The following JMY variants were observed in gnomAD, a reference collection of about 807,000 sequenced individuals.
The protein encoded by JMY is junction mediating and regulatory protein, p53 cofactor.
In JMY, 46 loss-of-function variants were observed where a neutral mutation model predicts 103.3. The observed-to-expected ratio is 0.45, with a 90% confidence interval of 0.35 to 0.57. The LOEUF (loss-of-function observed/expected upper bound fraction) is 0.57. Among genes scored for constraint, JMY ranks in the 20% least tolerant of loss-of-function variants. The probability of loss-of-function intolerance (pLI) is 0.00; values close to 1 mark genes in which losing one functional copy is unlikely to be tolerated. For missense variants in JMY, 1,238 were observed against 1,255.2 expected (o/e 0.99, Z 0.21); for synonymous variants, 526 against 489.3 (o/e 1.07, Z -0.99).
intron 2 of JMY, among the ~76,000 whole-genome samples, chr5:79,281,047 A>T (rs1746091549): frequency 6.7e-6 from 1 of 150,328 alleles, no homozygotes; most frequent in African/African-American, 2.4e-5. Context: ...TTTTATTTTT[A>T]TTTATTTATT....
At chr5:79,268,479 TTTTA>T (rs1554049513) in intron 1 of JMY, among the ~76,000 whole-genome samples, 1 of 149,748 alleles carries the variant, frequency 6.7e-6, no homozygotes, top group Non-Finnish European at 1.5e-5. Context: ...TTTATTTATT[TTTTA>T]TTTATTTATT....
At chr5:79,289,148 T>A (rs978735165) in intron 2 of JMY, among the ~76,000 whole-genome samples, 1 of 148,410 alleles carries the variant, frequency 6.7e-6, no homozygotes, top group East Asian at 2.0e-4. Context: ...GGCAGGAGAA[T>A]CACTTGAACC....
intron 2 of JMY, 126 bp from the exon 3 acceptor site, chr5:79,289,995 A>G (rs1408241609): frequency 1.5e-6 from 1 of 656,862 alleles, no homozygotes; most frequent in Non-Finnish European, 2.4e-6. Context: ...TTGTTTTGTA[A>G]ACTAATAGCT....
chr5:79,248,509 A>G (rs532367634), intron 1 of JMY, among the ~76,000 whole-genome samples: 27 of 151,772 alleles, frequency 1.8e-4, no homozygotes, highest in South Asian at 1.5e-3. Context: ...GGGTTTCACC[A>G]TGTTGGCCAG....
chr5:79,250,650 CTTTTTTTTTTTTT>C (rs200738584), intron 1 of JMY, among the ~76,000 whole-genome samples: 1 of 122,738 alleles, frequency 8.1e-6, no homozygotes, highest in East Asian at 2.4e-4. Context: ...AATTATTTTT[CTTTTTTTTTTTTT>C]TTTTTGGCAT....
rs1747468315 is a variant in JMY at position 79,322,004 on chromosome 5, A to G, written c.*402A>G. The G allele has an allele frequency of 6.6e-6, 1 of 152,208 alleles. No homozygotes were observed. The highest frequency in any genetic ancestry group is 1.5e-5 in the Non-Finnish European group (1 of 68,032). 9.4% of individuals were successfully genotyped at this position (152,208 alleles called of 1,614,324 possible). A position where few individuals can be genotyped will look rare whatever the true frequency, so the allele number is the denominator to read the frequency against. ...TGCTTTGAGAACCATCTTTCAATGC[A>G]CTGAAAAGTCATCTGAAAAAATAGC... On this transcript the variant is annotated 3_prime_UTR_variant, in exon 11 of 11. Transcript: ENST00000396137.
rs1183442372 is a variant in JMY at position 79,300,147 on chromosome 5, A to G, written c.1528-6A>G. The G allele has an allele frequency of 1.9e-6, 3 of 1,611,854 alleles. No homozygotes were observed. Among genetic ancestry groups the G allele is most frequent in the African/African-American group, 1.3e-5 (1 of 74,790 alleles). ...AGAAATTTTTTAATTTGTATTTTCAATGCAGATGCAGAGTTTGCGGGGTGG... is the reference window on the plus strand; with the variant it reads ...AGAAATTTTTTAATTTGTATTTTCAGTGCAGATGCAGAGTTTGCGGGGTGG... On this transcript the variant is annotated splice_polypyrimidine_tract_variant and splice_region_variant and intron_variant, in intron 4 of 10. Coordinates refer to ENST00000396137, the MANE Select transcript of JMY (RefSeq NM_152405.5).
At chr5:79,264,313 C>T (rs1045544119) in intron 1 of JMY, among the ~76,000 whole-genome samples, 3 of 152,058 alleles carry the variant, frequency 2.0e-5, no homozygotes, top group African/African-American at 7.2e-5. Flanking sequence ...TTTCGAACTC[C>T]TGGGCTTAAG....
intron 1 of JMY, among the ~76,000 whole-genome samples, chr5:79,261,718 T>TCC (rs964040148): frequency 2.0e-5 from 3 of 152,180 alleles, no homozygotes; most frequent in Non-Finnish European, 4.4e-5. Flanking sequence ...TAGACCTGTC[T>TCC]CCCGGGCATA....
At chr5:79,304,704 T>C (rs184301429) in intron 6 of JMY, among the ~76,000 whole-genome samples, 3 of 152,318 alleles carry the variant, frequency 2.0e-5, no homozygotes, top group African/African-American at 7.2e-5. Context: ...ATTTAACTAT[T>C]ACTGCTTATT....
Position 79,264,491 on chromosome 5 carries a change from G to A in JMY, c.1033-13419G>A, listed in dbSNP as rs75027655. On this transcript the variant is annotated intron_variant, in intron 1 of 10. Transcript: ENST00000396137. ...TGATCCTCCTACCTCACTGTAGGAG[G>A]TAAAGCCTGCCAAAGTGCTGGAATT... Among the ~76,000 whole-genome samples, 1,394 of 151,724 alleles carry A rather than the reference G, an allele frequency of 9.2e-3. 21 individuals carry two copies. The highest frequency in any genetic ancestry group is 0.031 in the African/African-American group (1,293 of 41,360).
chr5:79,319,967 G>GGTC (rs1289404090), intron 10 of JMY, among the ~76,000 whole-genome samples: 2 of 152,158 alleles, frequency 1.3e-5, no homozygotes, highest in African/African-American at 4.8e-5. Context: ...AGGTAATGAA[G>GGTC]GTCCCTTGTT....
intron 2 of JMY, among the ~76,000 whole-genome samples, chr5:79,278,913 G>A (rs1280134364): frequency 2.6e-5 from 4 of 151,496 alleles, no homozygotes; most frequent in Non-Finnish European, 5.9e-5. Context: ...ACAGGTGTGT[G>A]AACCACCATG....
At chr5:79,256,905 C>T (rs911854479) in intron 1 of JMY, among the ~76,000 whole-genome samples, 2 of 151,956 alleles carry the variant, frequency 1.3e-5, no homozygotes, top group Non-Finnish European at 1.5e-5. Flanking sequence ...ATATTACAGG[C>T]ATGAGCCACC....
At chr5:79,312,277 CA>C (rs563411030) in intron 7 of JMY, 125 bp from the exon 8 acceptor site, 114 of 468,264 alleles carry the variant, frequency 2.4e-4, no homozygotes, top group East Asian at 6.1e-4. Flanking sequence ...GTTTCATGAA[CA>C]AAAAAAAATT....
Position 79,237,185 on chromosome 5 carries a change from T to C in JMY, c.535T>C (p.Ser179Pro). 6.5e-7 allele frequency: 1 copy of C among 1,550,282 alleles called. No individual in the cohort carries two copies. The highest frequency in any genetic ancestry group is 8.7e-7 in the Non-Finnish European group (1 of 1,146,858). The change falls in exon 1 of 11, where the codon TCT (serine) becomes CCT (proline). Residue 179 changes from serine (S) to proline (P), a missense_variant. Ser to Pro is a moderately conservative substitution (Grantham distance 74). Transcript: ENST00000396137. Reference protein sequence around the residue: ...RPAPREAQVSSVRIVSASGTV... With the variant: ...RPAPREAQVSPVRIVSASGTV... ...GGCGCCCAGAGAGGCCCAGGTGTCC[T>C]CTGTACGGATAGTGAGCGCCTCTGG... is the stretch of plus-strand genomic sequence containing the variant.
At position 79,259,601 on chromosome 5, in the gene JMY, C is replaced by G. The variant is rs918348948; in HGVS notation, c.1033-18309C>G. ...GCCAGCGCTGAGCTGCCCTCAGCACCCCCTTGGCCTCTCTTCTGTGCTCAT... is the reference window on the plus strand; with the variant it reads ...GCCAGCGCTGAGCTGCCCTCAGCACGCCCTTGGCCTCTCTTCTGTGCTCAT... On this transcript the variant is annotated intron_variant, in intron 1 of 10. Coordinates refer to ENST00000396137, the MANE Select transcript of JMY (RefSeq NM_152405.5). Among the ~76,000 whole-genome samples the G allele has an allele frequency of 2.6e-5, 4 of 152,220 alleles. No homozygotes were observed. In the South Asian group the frequency reaches 8.3e-4, roughly 31 times the overall value.
Position 79,237,477 on chromosome 5 carries a change from A to C in JMY, c.827A>C (p.Glu276Ala). The stretch of plus-strand genomic sequence containing the variant: ...ACTGTGCTGTTTGGGGGCGCCCCCG[A>C]GATGACCGAGCAGGAAATCGACACT... ...MWTVLFGGAP[E>A]MTEQEIDTLC... The change falls in exon 1 of 11, where the codon GAG becomes GCG. Residue 276 changes from glutamate to alanine, a missense_variant. Coordinates refer to ENST00000396137, the MANE Select transcript of JMY (RefSeq NM_152405.5). 1 of 1,613,614 alleles carries C rather than the reference A, an allele frequency of 6.2e-7. No homozygotes were observed. Among genetic ancestry groups the C allele is most frequent in the African/African-American group, 1.3e-5 (1 of 74,974 alleles).
At chr5:79,237,779 G>A (rs908420611) in intron 1 of JMY, 97 bp downstream of exon 1, 35 of 1,116,362 alleles carry the variant, frequency 3.1e-5, no homozygotes, top group Middle Eastern at 5.0e-4. Context: ...TGCGCAGTAG[G>A]ACGGTTGTTT....
Sources: gnomAD v4.1 joint callset for allele counts (sites outside exome capture counted in the v4.1 genomes callset) on GRCh38, gnomAD v4.1.1 for gene constraint, MANE v1.5 for transcripts, NCBI Gene and HGNC (gene_info 2026-07-23, HGNC 2026-07-21) for gene names.